Variants in TBL1X observed in about 807,000 individuals in gnomAD.
TBL1X encodes the protein transducin beta like 1 X-linked.
A neutral mutation model predicts 50.7 loss-of-function variants in TBL1X; 10 were observed. The observed-to-expected ratio is 0.20, with a 90% CI of 0.12 to 0.33. The LOEUF (loss-of-function observed/expected upper bound fraction) is 0.33, where lower values mean the gene tolerates loss of function less well. Among genes scored for constraint, TBL1X ranks in the 10% least tolerant of loss-of-function variants. TBL1X has a pLI of 1.00. For synonymous variants in TBL1X, 190 were observed against 214.7 expected (o/e 0.88, Z 1.01); for missense variants, 340 against 504.4 (o/e 0.67, Z 3.12).
intron 2 of TBL1X, among the ~76,000 whole-genome samples, chrX:9,598,805 G>A (rs1205972606): frequency 9.0e-6 from 1 of 111,461 alleles, no homozygotes; most frequent in Non-Finnish European, 1.9e-5. Context: ...TCTGGTGGCT[G>A]CTGGCAGTCT....
chrX:9,543,503 C>T (rs1350164520), intron 2 of TBL1X, among the ~76,000 whole-genome samples: 4 of 106,950 alleles, frequency 3.7e-5, no homozygotes, highest in Non-Finnish European at 7.7e-5. Context: ...GGCTCACAAA[C>T]TCAATGGGGC....
chrX:9,709,158 C>A (rs746257888), intron 13 of TBL1X, 90 bp from the exon 14 acceptor site: 99 of 943,677 alleles, frequency 1.0e-4, no homozygotes, highest in Non-Finnish European at 1.4e-4. Context: ...TTCTGCAGCG[C>A]CGGTGGCGCG....
Position 9,595,196 on chromosome X carries a change from G to T in TBL1X, c.-130-45077G>T, listed in dbSNP as rs180933825. Reference sequence around the variant, plus strand: ...AGGGGTCCCCAGAACCTGTGAGGGGGTCCTTCCCTCTGCCTCCCTGAGGGA... The same window carrying T: ...AGGGGTCCCCAGAACCTGTGAGGGGTTCCTTCCCTCTGCCTCCCTGAGGGA... On this transcript the variant is annotated intron_variant, in intron 2 of 17. Coordinates refer to ENST00000645353, the MANE Select transcript of TBL1X (RefSeq NM_005647.4). 3.5e-3 allele frequency among the ~76,000 whole-genome samples: 389 copies of T among 111,871 alleles called. 1 individual carries two copies. The highest frequency in any genetic ancestry group is 0.012 in the African/African-American group (371 of 30,788).
At chrX:9,523,960 CTTTTTTT>C (rs63038662) in intron 2 of TBL1X, among the ~76,000 whole-genome samples, 4 of 40,814 alleles carry the variant, frequency 9.8e-5, no homozygotes, top group East Asian at 6.2e-4. Flanking sequence ...TCATTTTAAC[CTTTTTTT>C]TTTTTTTTTT....
chrX:9,541,427 G>GTTTA (rs1324369398), intron 2 of TBL1X, among the ~76,000 whole-genome samples: 1 of 111,978 alleles, frequency 8.9e-6, no homozygotes, highest in Non-Finnish European at 1.9e-5. Flanking sequence ...AGCTCACAGG[G>GTTTA]TTTATTAGAG....
intron 6 of TBL1X, among the ~76,000 whole-genome samples, chrX:9,686,630 T>G (rs1372188573): frequency 2.7e-5 from 3 of 112,680 alleles, no homozygotes; most frequent in African/African-American, 9.7e-5. Context: ...TCCAGGAGTT[T>G]GAGGCTGCAG....
chrX:9,646,948 T>C (rs778557000), intron 3 of TBL1X, among the ~76,000 whole-genome samples: 2 of 112,100 alleles, frequency 1.8e-5, no homozygotes, highest in East Asian at 2.8e-4. Flanking sequence ...ACTTGCCCTT[T>C]CTGTCCTTAA....
At chrX:9,476,338 A>C (rs1410127961) in intron 1 of TBL1X, among the ~76,000 whole-genome samples, 1 of 112,372 alleles carries the variant, frequency 8.9e-6, no homozygotes, top group Non-Finnish European at 1.9e-5. Flanking sequence ...TTTTGCTTTA[A>C]GCCTTAGACT....
chrX:9,690,183 A>G (rs2083088346), intron 7 of TBL1X, among the ~76,000 whole-genome samples: 2 of 112,524 alleles, frequency 1.8e-5, no homozygotes, highest in South Asian at 7.4e-4. Context: ...CAGACAGTAA[A>G]TGTCCCAGGC....
intron 13 of TBL1X, among the ~76,000 whole-genome samples, chrX:9,705,579 ACT>A (rs1194531094): frequency 1.8e-5 from 2 of 110,240 alleles, no homozygotes; most frequent in Non-Finnish European, 3.8e-5. Flanking sequence ...ACATAGCAAG[ACT>A]CTGTCTCTAC....
intron 2 of TBL1X, among the ~76,000 whole-genome samples, chrX:9,573,194 TTTAAC>T (rs2082394324): frequency 8.8e-6 from 1 of 113,032 alleles, no homozygotes. Flanking sequence ...TGATTCAAAT[TTTAAC>T]TTATAGTTTC....
chrX:9,634,332 G>T (rs1429292198), intron 2 of TBL1X, among the ~76,000 whole-genome samples: 3 of 110,730 alleles, frequency 2.7e-5, no homozygotes, highest in African/African-American at 9.9e-5. Context: ...TAGTAACAGC[G>T]CTCCCTCACA....
At chrX:9,514,283 T>A (rs5979107) in intron 2 of TBL1X, among the ~76,000 whole-genome samples, 23,570 of 108,658 alleles carry the variant, frequency 0.22, 2,349 homozygotes, top group African/African-American at 0.38. Flanking sequence ...AACAACAACA[T>A]CAAAACCCCC....
rs774460106 is a variant in TBL1X, at chrX:9,679,968, A to G, written c.212-4075A>G. Reference sequence around the variant, plus strand: ...GGTAATTTATATACAACCAAAGTGTATTGCTCACAGTCCTGGAGGCTGGGA... The same window carrying G: ...GGTAATTTATATACAACCAAAGTGTGTTGCTCACAGTCCTGGAGGCTGGGA... On this transcript the variant is annotated intron_variant, in intron 5 of 17. Coordinates refer to ENST00000645353, the MANE Select transcript of TBL1X (RefSeq NM_005647.4). Among the ~76,000 whole-genome samples the G allele has an allele frequency of 2.6e-4, 29 of 112,038 alleles. No homozygotes were observed. In the East Asian group the frequency reaches 8.2e-3, roughly 32 times the overall value.
At chrX:9,585,340 T>TCCCCCCCCCCCCCCCCC (rs397840236) in intron 2 of TBL1X, among the ~76,000 whole-genome samples, 4 of 58,128 alleles carry the variant, frequency 6.9e-5, no homozygotes, top group African/African-American at 1.9e-4. Flanking sequence ...CCCCCTCCCC[T>TCCCCCCCCCCCCCCCCC]CCCCCCCCCG....
At chrX:9,477,871 G>A (rs1326677931) in intron 1 of TBL1X, among the ~76,000 whole-genome samples, 3 of 111,499 alleles carry the variant, frequency 2.7e-5, no homozygotes, top group Non-Finnish European at 5.6e-5. Context: ...AATATCCTTC[G>A]TGTCTCTATA....
At chrX:9,708,724 A>G (rs199999010) in intron 13 of TBL1X, among the ~76,000 whole-genome samples, 13,337 of 91,584 alleles carry the variant, frequency 0.15, 833 homozygotes, top group Middle Eastern at 0.3. Context: ...AAAAAAAAAA[A>G]GGGCATGGTG....
At chrX:9,666,402 C>T (rs1466957793) in intron 5 of TBL1X, among the ~76,000 whole-genome samples, 1 of 110,994 alleles carries the variant, frequency 9.0e-6, no homozygotes. Context: ...GTTAATGTTC[C>T]TATTAGTTGA....
At chrX:9,618,548 G>T (rs765549059) in intron 2 of TBL1X, among the ~76,000 whole-genome samples, 2 of 111,401 alleles carry the variant, frequency 1.8e-5, no homozygotes, top group Admixed American at 1.9e-4. Flanking sequence ...GCATGGTGGC[G>T]CGCCCCTGTA....
Sources: gnomAD v4.1 joint callset for allele counts (sites outside exome capture counted in the v4.1 genomes callset) on GRCh38, gnomAD v4.1.1 for gene constraint, MANE v1.5 for transcripts, NCBI Gene and HGNC (gene_info 2026-07-23, HGNC 2026-07-21) for gene names.